TBC1D16: variants seen among roughly 807,000 people sequenced by gnomAD.
The protein encoded by TBC1D16 is CTD-2529O21.1.
In TBC1D16, 58 loss-of-function variants were observed where a neutral mutation model predicts 74.7. The ratio of observed to expected loss-of-function variants is 0.78; its 90% CI spans 0.63 to 0.97. The LOEUF (loss-of-function observed/expected upper bound fraction) is 0.97, where lower values mean the gene tolerates loss of function less well. TBC1D16 is among the 50% of genes least tolerant of loss of function. The pLI is 0.00. For synonymous variants in TBC1D16, 493 were observed against 474.7 expected (o/e 1.04, Z -0.50); for missense variants, 1,014 against 1,079.5 (o/e 0.94, Z 0.85).
At position 80,010,704 on chromosome 17, in the gene TBC1D16, G is replaced by C; in HGVS notation, c.235C>G (p.Leu79Val). 6.6e-7 allele frequency: 1 copy of C among 1,513,174 alleles called. No homozygotes were observed. Among genetic ancestry groups the C allele is most frequent in the Non-Finnish European group, 8.8e-7 (1 of 1,133,304 alleles). 93.7% of individuals were successfully genotyped at this position (1,513,174 alleles called of 1,614,324 possible). A position where few individuals can be genotyped will look rare whatever the true frequency, so the allele number is the denominator to read the frequency against. Reference sequence around the variant, plus strand: ...ATGCGAGAGTTGGGGACCCATGCCAGGATGAGGGTGGCTCCCAGCATCTCA... The same window carrying C: ...ATGCGAGAGTTGGGGACCCATGCCACGATGAGGGTGGCTCCCAGCATCTCA... ...KDEMLGATLI[L>V]AWVPNSRIQR... The change falls in exon 3 of 12, where the codon CTG becomes GTG. Residue 79 changes from leucine to valine, a missense_variant. Leu to Val is a conservative substitution (Grantham distance 32). Transcript: ENST00000310924. This position sits in a 1 kb window ranked among gnomAD's most constrained non-coding sequence, Gnocchi z 8.8.
At position 80,000,155 on chromosome 17, in the gene TBC1D16, G is replaced by C. The variant is rs1318948753; in HGVS notation, c.779+10005C>G. On this transcript the variant is annotated intron_variant, in intron 3 of 11. Coordinates refer to ENST00000310924, the MANE Select transcript of TBC1D16 (RefSeq NM_019020.4). The surrounding 1 kb of genome is among the most constrained non-coding windows in gnomAD (Gnocchi z 4.1). The stretch of plus-strand genomic sequence containing the variant: ...AAAACGGGGTGATGACCACACTGAT[G>C]TCGGGAGCTGTTTCTGGGATTCAGG... Among the ~76,000 whole-genome samples the C allele has an allele frequency of 6.6e-6, 1 of 152,174 alleles. No homozygotes were observed. Among genetic ancestry groups the C allele is most frequent in the African/African-American group, 2.4e-5 (1 of 41,426 alleles).
chr17:79,948,429 C>A (rs1478499514), intron 8 of TBC1D16, among the ~76,000 whole-genome samples: 1 of 152,032 alleles, frequency 6.6e-6, no homozygotes, highest in African/African-American at 2.4e-5. Flanking sequence ...CTGCCTGTGA[C>A]AAGGGGTGGG....
At chr17:79,948,842 T>A (rs781180168) in intron 8 of TBC1D16, 30 bp downstream of exon 8, 2 of 1,613,434 alleles carry the variant, frequency 1.2e-6, no homozygotes, top group African/African-American at 1.3e-5. Flanking sequence ...GACTTGCAGA[T>A]GGGAAAGGAG....
At chr17:79,946,338 G>A (rs1175562627) in intron 9 of TBC1D16, among the ~76,000 whole-genome samples, 1 of 152,210 alleles carries the variant, frequency 6.6e-6, no homozygotes, top group Non-Finnish European at 1.5e-5. Context: ...TCGCGTTCGA[G>A]CTTCTGTGAG....
At chr17:79,943,985 G>A (rs2032277049) in intron 10 of TBC1D16, 1 of 1,525,778 alleles carries the variant, frequency 6.6e-7, no homozygotes, top group African/African-American at 1.4e-5. Context: ...TCCACGTCCA[G>A]CAGGCTGAGC....
At chr17:79,992,899 G>A (rs763708583) in intron 3 of TBC1D16, 1 of 152,294 alleles carries the variant, frequency 6.6e-6, no homozygotes, top group Non-Finnish European at 1.5e-5. Flanking sequence ...AATGTAACAA[G>A]AGGCATTTGT....
intron 8 of TBC1D16, among the ~76,000 whole-genome samples, chr17:79,948,254 A>T (rs1285292): frequency 6.5e-4 from 97 of 149,168 alleles, no homozygotes; most frequent in African/African-American, 2.4e-3. Flanking sequence ...CGGAAGTTGC[A>T]GTGAGCCGAG....
chr17:79,973,999 C>A (rs148574057), intron 3 of TBC1D16, among the ~76,000 whole-genome samples: 1 of 152,214 alleles, frequency 6.6e-6, no homozygotes, highest in Non-Finnish European at 1.5e-5. Flanking sequence ...TAAAAGGAAG[C>A]GCTTTATGGC....
Position 79,950,931 on chromosome 17 carries a change from G to C in TBC1D16, c.1090-353C>G. Reference sequence around the variant, plus strand: ...ACATGTGATTGGCCACATACAAAGGGATCGCTGTTCTGCGAGCAGGGAGCC... The same window carrying C: ...ACATGTGATTGGCCACATACAAAGGCATCGCTGTTCTGCGAGCAGGGAGCC... On this transcript the variant is annotated intron_variant, in intron 5 of 11. Transcript: ENST00000310924. This position sits in a 1 kb window ranked among gnomAD's most constrained non-coding sequence, Gnocchi z 4.6. The C allele has an allele frequency of 7.7e-7, 1 of 1,306,582 alleles. No homozygotes were observed. The highest frequency in any genetic ancestry group is 1.0e-6 in the Non-Finnish European group (1 of 978,364). The allele number at this position is 1,306,582 out of a possible 1,614,324, so 80.9% of individuals were successfully genotyped here. A position where few individuals can be genotyped will look rare whatever the true frequency, so the allele number is the denominator to read the frequency against.
Position 79,947,636 on chromosome 17 carries a change from GA to G in TBC1D16, c.1728+8del. ...TGCCCTTGGACGCACCCATCCCCCT[GA>G]GCCTCACCAGTTGTTTCTCCATGTC... On this transcript the variant is annotated splice_region_variant and intron_variant, in intron 9 of 11. Coordinates refer to ENST00000310924, the MANE Select transcript of TBC1D16 (RefSeq NM_019020.4). The G allele has an allele frequency of 6.2e-7, 1 of 1,613,890 alleles. No individual in the cohort carries two copies. Among genetic ancestry groups the G allele is most frequent in the South Asian group, 1.1e-5 (1 of 91,056 alleles).
chr17:79,947,182 G>A (rs1280766456), intron 9 of TBC1D16, among the ~76,000 whole-genome samples: 1 of 152,172 alleles, frequency 6.6e-6, no homozygotes, highest in Non-Finnish European at 1.5e-5. Flanking sequence ...CCAGGGGAGG[G>A]GTGGGGTGTG....
At chr17:79,952,028 G>C (rs1016107003) in intron 4 of TBC1D16, 2 of 158,122 alleles carry the variant, frequency 1.3e-5, no homozygotes, top group African/African-American at 4.8e-5. Context: ...GAACCCTCCA[G>C]GGAAACTCAG....
rs150703060 is a variant in TBC1D16, at chr17:79,942,072, G to A, written c.2043C>T (p.Leu681=). The A allele has an allele frequency of 4.5e-5, 72 of 1,611,502 alleles. No homozygotes were observed. The African/African-American group carries it at 6.0e-4, about 13-fold the overall frequency. ...GNLAMHMNGE[L]VLRKARSLLY... ...GGGGCAGCCTCACCTTCCGGAGAAC[G>A]AGCTCCCCGTTCATGTGCATGGCCA... Residue 681 remains leucine, a synonymous_variant, in exon 11 of 12, where the codon CTC becomes CTT. Coordinates refer to ENST00000310924, the MANE Select transcript of TBC1D16 (RefSeq NM_019020.4).
rs1408941729 is a variant in TBC1D16 at position 79,940,769 on chromosome 17, C to T, written c.*90G>A. On this transcript the variant is annotated 3_prime_UTR_variant, in exon 12 of 12. Coordinates refer to ENST00000310924, the MANE Select transcript of TBC1D16 (RefSeq NM_019020.4). This position sits in a 1 kb window ranked among gnomAD's most constrained non-coding sequence, Gnocchi z 5.4. ...ATTTTCCTTAGGTTTCTACCGTCCC[C>T]TGTCCCCTTCACGCCCAGCCCCACC... 7.2e-6 allele frequency: 10 copies of T among 1,396,752 alleles called. No homozygotes were observed. Among genetic ancestry groups the T allele is most frequent in the Non-Finnish European group, 8.5e-6 (9 of 1,058,464 alleles). The allele number at this position is 1,396,752 out of a possible 1,614,324, so 86.5% of individuals were successfully genotyped here.
chr17:79,976,709 T>C (rs1424623219), intron 3 of TBC1D16, among the ~76,000 whole-genome samples: 2 of 152,180 alleles, frequency 1.3e-5, no homozygotes, highest in African/African-American at 2.4e-5. Flanking sequence ...CTCCACGTCA[T>C]TATCCTGGAG....
At chr17:80,006,580 G>C (rs2035687340) in intron 3 of TBC1D16, among the ~76,000 whole-genome samples, 1 of 152,166 alleles carries the variant, frequency 6.6e-6, no homozygotes, top group Admixed American at 6.5e-5. Context: ...GCGCACAGGA[G>C]CAAGGAAAGA....
At chr17:79,984,176 C>T (rs1401688028) in intron 3 of TBC1D16, among the ~76,000 whole-genome samples, 1 of 152,198 alleles carries the variant, frequency 6.6e-6, no homozygotes, top group African/African-American at 2.4e-5. Flanking sequence ...CATCTGCCAG[C>T]ACGCCCAGCC....
intron 3 of TBC1D16, among the ~76,000 whole-genome samples, chr17:80,006,729 G>A (rs2144638167): frequency 6.6e-6 from 1 of 151,918 alleles, no homozygotes; most frequent in Admixed American, 6.6e-5. Flanking sequence ...CATGATCACA[G>A]CTCACTGCAG....
chr17:79,975,334 G>A lies in TBC1D16; in HGVS notation c.780-22516C>T, dbSNP rs990032062. On this transcript the variant is annotated intron_variant, in intron 3 of 11. Coordinates refer to ENST00000310924, the MANE Select transcript of TBC1D16 (RefSeq NM_019020.4). The surrounding 1 kb of genome is among the most constrained non-coding windows in gnomAD (Gnocchi z 4.5). ...CCAGCTTTGTACAGCCTGAGCTCTG[G>A]CCGACTGGAATTTCTGCCAGGTCCT... Among the ~76,000 whole-genome samples, 3 of 152,144 alleles carry A rather than the reference G, an allele frequency of 2.0e-5. No homozygotes were observed. Among genetic ancestry groups the A allele is most frequent in the Non-Finnish European group, 2.9e-5 (2 of 68,024 alleles).
Sources: gnomAD v4.1 joint callset for allele counts (sites outside exome capture counted in the v4.1 genomes callset) on GRCh38, gnomAD v4.1.1 for gene constraint, Gnocchi (gnomAD v3.1) non-coding constraint, MANE v1.5 for transcripts, NCBI Gene and HGNC (gene_info 2026-07-23, HGNC 2026-07-21) for gene names.